The following SYNJ2BP variants were observed in gnomAD, a reference collection of about 807,000 sequenced individuals.
SYNJ2BP encodes the protein synaptojanin-2-binding protein.
A neutral mutation model predicts 16.9 loss-of-function variants in SYNJ2BP; 10 were observed. That is an observed-to-expected ratio of 0.59 (90% CI 0.36 to 1.00). The LOEUF is 1.00. SYNJ2BP is among the 50% of genes least tolerant of loss of function. The pLI is 0.01. For synonymous variants in SYNJ2BP, 54 were observed against 68.4 expected (o/e 0.79, Z 1.04); for missense variants, 162 against 186.7 (o/e 0.87, Z 0.77).
At position 70,384,051 on chromosome 14, in the gene SYNJ2BP, G is replaced by A. The variant is rs749947163; in HGVS notation, c.201+4419C>T. Among the ~76,000 whole-genome samples, 6 of 151,366 alleles carry A rather than the reference G, an allele frequency of 4.0e-5. 1 individual carries two copies. Among genetic ancestry groups the A allele is most frequent in the Admixed American group, 2.0e-4 (3 of 15,178 alleles). ...CGGCTCACTGCAAGCTCTGCCTCCCGGGTTCACGCCATGAAACTACATGAT... is the reference window on the plus strand; with the variant it reads ...CGGCTCACTGCAAGCTCTGCCTCCCAGGTTCACGCCATGAAACTACATGAT... On this transcript the variant is annotated intron_variant, in intron 2 of 3. Coordinates refer to ENST00000256366, the MANE Select transcript of SYNJ2BP (RefSeq NM_018373.3).
intron 1 of SYNJ2BP, among the ~76,000 whole-genome samples, chr14:70,399,293 C>G (rs1888179918): frequency 6.6e-6 from 1 of 152,228 alleles, no homozygotes; most frequent in African/African-American, 2.4e-5. Context: ...CTGCTGGCGC[C>G]CATCTCGGCC....
chr14:70,409,440 T>C (rs115548955), intron 1 of SYNJ2BP, among the ~76,000 whole-genome samples: 1,654 of 152,372 alleles, frequency 0.011, 27 homozygotes, highest in African/African-American at 0.037. Flanking sequence ...CATGTAATCA[T>C]TGACCACTTT....
intron 2 of SYNJ2BP, among the ~76,000 whole-genome samples, chr14:70,379,402 T>C (rs1887700401): frequency 6.6e-6 from 1 of 152,218 alleles, no homozygotes; most frequent in Non-Finnish European, 1.5e-5. Flanking sequence ...CTATATCCTA[T>C]ACTCTAGCTA....
intron 2 of SYNJ2BP, among the ~76,000 whole-genome samples, chr14:70,381,422 G>A (rs768923282): frequency 6.6e-6 from 1 of 152,136 alleles, no homozygotes; most frequent in African/African-American, 2.4e-5. Flanking sequence ...CTTTACCCAA[G>A]GTAAACCAGC....
At chr14:70,378,001 A>G (rs1887669927) in intron 2 of SYNJ2BP, among the ~76,000 whole-genome samples, 1 of 152,196 alleles carries the variant, frequency 6.6e-6, no homozygotes, top group Admixed American at 6.5e-5. Flanking sequence ...TCTAAAGGTC[A>G]CCAATAACTT....
chr14:70,396,346 T>C (rs1373672248), intron 1 of SYNJ2BP, among the ~76,000 whole-genome samples: 3 of 152,164 alleles, frequency 2.0e-5, no homozygotes, highest in African/African-American at 7.2e-5. Flanking sequence ...CTCCATCTCC[T>C]GACCTCATGA....
intron 1 of SYNJ2BP, among the ~76,000 whole-genome samples, chr14:70,388,862 TAAAG>T (rs1001000250): frequency 1.3e-4 from 20 of 151,546 alleles, no homozygotes; most frequent in Admixed American, 9.2e-4. Context: ...GTTCAATATA[TAAAG>T]AAAGATCTAT....
rs562819189 is a variant in SYNJ2BP, at chr14:70,396,640, G to GTA, written c.65-8036_65-8035dup. On this transcript the variant is annotated intron_variant, in intron 1 of 3. Coordinates refer to ENST00000256366, the MANE Select transcript of SYNJ2BP (RefSeq NM_018373.3). ...TGTATATTTATATATATATGTATGTGTATATATATATGTATGTATGTAAAA... is the reference window on the plus strand; with the variant it reads ...TGTATATTTATATATATATGTATGTGTATATATATATATGTATGTATGTAAAA... Among the ~76,000 whole-genome samples, 470 of 150,992 alleles carry GTA rather than the reference G, an allele frequency of 3.1e-3. 3 individuals are homozygous for GTA. Among genetic ancestry groups the GTA allele is most frequent in the Admixed American group, 6.7e-3 (101 of 15,104 alleles).
intron 1 of SYNJ2BP, among the ~76,000 whole-genome samples, chr14:70,407,361 C>T (rs1181906464): frequency 3.3e-5 from 5 of 149,950 alleles, no homozygotes; most frequent in Admixed American, 2.0e-4. Context: ...TCCTGGGAGG[C>T]GGAGCTTGCA....
At chr14:70,396,091 A>C (rs749107273) in intron 1 of SYNJ2BP, among the ~76,000 whole-genome samples, 2 of 152,054 alleles carry the variant, frequency 1.3e-5, no homozygotes, top group Non-Finnish European at 2.9e-5. Flanking sequence ...CTGGTGTACA[A>C]ATATCTGTTT....
rs1442237711 is a variant in SYNJ2BP at position 70,367,801 on chromosome 14, A to C, written c.*5190T>G. 2.6e-5 allele frequency: 4 copies of C among 152,138 alleles called. No homozygotes were observed. The highest frequency in any genetic ancestry group is 9.7e-5 in the African/African-American group (4 of 41,416). The allele number at this position is 152,138 out of a possible 1,614,324, so 9.4% of individuals were successfully genotyped here. A position where few individuals can be genotyped will look rare whatever the true frequency, so the allele number is the denominator to read the frequency against. ...TAACTCAATCTTCTACTACCAGGTG[A>C]TGTTAAAAAAATACTTTAACATCAA... On this transcript the variant is annotated 3_prime_UTR_variant, in exon 4 of 4. Coordinates refer to ENST00000256366, the MANE Select transcript of SYNJ2BP (RefSeq NM_018373.3).
intron 1 of SYNJ2BP, among the ~76,000 whole-genome samples, chr14:70,408,156 T>A (rs560247262): frequency 4.5e-4 from 68 of 152,098 alleles, no homozygotes; most frequent in African/African-American, 1.5e-3. Flanking sequence ...AGGGTTTTTT[T>A]ATAAACTAAG....
intron 1 of SYNJ2BP, among the ~76,000 whole-genome samples, chr14:70,412,286 G>A (rs1303750649): frequency 1.3e-5 from 2 of 152,134 alleles, no homozygotes; most frequent in Admixed American, 1.3e-4. Flanking sequence ...CTACTGCAGT[G>A]GAAAGTAGTA....
chr14:70,384,121 A>T (rs1887809157), intron 2 of SYNJ2BP, among the ~76,000 whole-genome samples: 2 of 152,164 alleles, frequency 1.3e-5, no homozygotes, highest in Admixed American at 6.5e-5. Context: ...GCAAGATAAT[A>T]TGTGGGAATT....
intron 1 of SYNJ2BP, among the ~76,000 whole-genome samples, chr14:70,405,552 A>G (rs1462045237): frequency 1.3e-5 from 2 of 152,198 alleles, no homozygotes; most frequent in East Asian, 3.8e-4. Flanking sequence ...ATCAAAATTG[A>G]GCATTAATAT....
chr14:70,390,295 A>G (rs1224664213), intron 1 of SYNJ2BP, among the ~76,000 whole-genome samples: 1 of 152,238 alleles, frequency 6.6e-6, no homozygotes, highest in Admixed American at 6.5e-5. Flanking sequence ...GAAACAAACC[A>G]AAAATCTAGC....
chr14:70,388,740 T>C, intron 1 of SYNJ2BP, 134 bp from the exon 2 acceptor site: 1 of 1,298,236 alleles, frequency 7.7e-7, no homozygotes, highest in Non-Finnish European at 9.9e-7. Context: ...CGAGTCAGCC[T>C]GTGATGGAGC....
chr14:70,396,425 C>T (rs760085241), intron 1 of SYNJ2BP, among the ~76,000 whole-genome samples: 4 of 152,072 alleles, frequency 2.6e-5, no homozygotes, highest in African/African-American at 9.7e-5. Flanking sequence ...TCCCTTCTTG[C>T]AATTCTTTTG....
rs575434469 is a variant in SYNJ2BP, at chr14:70,396,059, C to A, written c.65-7453G>T. On this transcript the variant is annotated intron_variant, in intron 1 of 3. Transcript: ENST00000256366. ...CTGGCAGAGGATATCTGTGTTGTTT[C>A]CACATTTGGCGGCTGTGAACACTGG... Among the ~76,000 whole-genome samples, 4 of 152,242 alleles carry A rather than the reference C, an allele frequency of 2.6e-5. No homozygotes were observed. The South Asian group carries it at 8.3e-4, about 32-fold the overall frequency.
Sources: allele counts gnomAD v4.1 joint callset (sites outside exome capture counted in the v4.1 genomes callset), GRCh38; gene constraint gnomAD v4.1.1; transcripts MANE v1.5; gene names NCBI Gene and HGNC (gene_info 2026-07-23, HGNC 2026-07-21).